Variants in HTR4 observed in about 807,000 individuals in gnomAD.
The protein encoded by HTR4 is 5-hydroxytryptamine receptor 4.
In HTR4, 16 loss-of-function variants were observed where a neutral mutation model predicts 36.8. The observed-to-expected ratio is 0.43, with a 90% CI of 0.29 to 0.66. HTR4 has a LOEUF of 0.66. Among genes scored for constraint, HTR4 ranks in the 30% least tolerant of loss-of-function variants. HTR4 has a pLI of 0.13. For missense variants in HTR4, 438 were observed against 490.9 expected, an observed-to-expected ratio of 0.89 and a Z score of 1.02; for synonymous variants, 189 against 185.1, an observed-to-expected ratio of 1.02 and a Z score of -0.17.
chr5:148,590,634 A>G (rs1392159237), intron 2 of HTR4, among the ~76,000 whole-genome samples: 1 of 152,010 alleles, frequency 6.6e-6, no homozygotes, highest in African/African-American at 2.4e-5. Flanking sequence ...CCTAAACTCC[A>G]TCCTTCATAC....
intron 2 of HTR4, among the ~76,000 whole-genome samples, chr5:148,586,028 A>C (rs1761333828): frequency 1.3e-5 from 2 of 152,126 alleles, no homozygotes; most frequent in African/African-American, 4.8e-5. Context: ...TGTCCCTTAA[A>C]ATGTATCATT....
intron 6 of HTR4, among the ~76,000 whole-genome samples, chr5:148,506,283 C>CTATATAATATATTATATATAATAA (rs1204916763): frequency 2.0e-5 from 3 of 152,134 alleles, no homozygotes; most frequent in Non-Finnish European, 4.4e-5. Context: ...AAAGGATTCC[C>CTATATAATATATTATATATAATAA]TATATAATAA....
chr5:148,473,425 TG>T (rs2113706517), downstream of HTR4, among the ~76,000 whole-genome samples: 1 of 152,224 alleles, frequency 6.6e-6, no homozygotes, highest in African/African-American at 2.4e-5. Flanking sequence ...GTAAGAGACT[TG>T]GAAGATTGGA....
In HTR4 at chr5:148,483,367, C is replaced by T. The variant is rs1021193341; in HGVS notation, c.1077-74G>A. On this transcript the variant is annotated intron_variant, in intron 6 of 6. Coordinates refer to ENST00000377888, the MANE Select transcript of HTR4 (RefSeq NM_000870.7). Reference sequence around the variant, plus strand: ...CAGATCATCTCCTGAAAGAGCCCACCTGCATGGCAGGAACACTCTGTGCCA... The same window carrying T: ...CAGATCATCTCCTGAAAGAGCCCACTTGCATGGCAGGAACACTCTGTGCCA... 51 of 1,354,428 alleles carry T rather than the reference C, an allele frequency of 3.8e-5. No individual in the cohort carries two copies. In the African/African-American group the frequency reaches 5.8e-4, roughly 15 times the overall value. 83.9% of individuals were successfully genotyped at this position (1,354,428 alleles called of 1,614,324 possible). A position where few individuals can be genotyped will look rare whatever the true frequency, so the allele number is the denominator to read the frequency against.
At chr5:148,575,897 G>C (rs913868661) in intron 2 of HTR4, among the ~76,000 whole-genome samples, 2 of 151,642 alleles carry the variant, frequency 1.3e-5, no homozygotes, top group African/African-American at 4.8e-5. Flanking sequence ...AATCAGGCAA[G>C]ACAAAGAAAT....
chr5:148,490,420 G>A (rs1189630507), intron 6 of HTR4, among the ~76,000 whole-genome samples: 2 of 151,954 alleles, frequency 1.3e-5, no homozygotes, highest in Non-Finnish European at 2.9e-5. Context: ...TCTGACATAT[G>A]TCTTCTCATT....
intron 2 of HTR4, among the ~76,000 whole-genome samples, chr5:148,609,285 C>T (rs1816067): frequency 0.27 from 40,458 of 152,046 alleles, 6,300 homozygotes; most frequent in Non-Finnish European, 0.34. Context: ...TGATCACATG[C>T]CCCCAAATAA....
chr5:148,577,435 A>G (rs976448337), intron 2 of HTR4, among the ~76,000 whole-genome samples: 3 of 152,132 alleles, frequency 2.0e-5, no homozygotes, highest in African/African-American at 7.2e-5. Context: ...TAAAAGCAGA[A>G]CTACCATTCG....
At position 148,509,809 on chromosome 5, in the gene HTR4, C is replaced by A. The variant is rs1246605345; in HGVS notation, c.723G>T (p.Gln241His). Reference protein sequence around the residue: ...RAGASSESRPQSADQHSTHRM... With the variant: ...RAGASSESRPHSADQHSTHRM... ...GATGAGTGCTATGCTGGTCTGCCGA[C>A]TGAGGCCTGCTCTCGGAGGAGGCTC... The change falls in exon 6 of 7, where the codon CAG (glutamine) becomes CAT (histidine). Residue 241 changes from glutamine to histidine, a missense_variant. Coordinates refer to ENST00000377888, the MANE Select transcript of HTR4 (RefSeq NM_000870.7). 1 of 1,614,022 alleles carries A rather than the reference C, an allele frequency of 6.2e-7. No homozygotes were observed. The highest frequency in any genetic ancestry group is 8.5e-7 in the Non-Finnish European group (1 of 1,179,992).
rs142939672 is a variant in HTR4, at chr5:148,536,283, C to T, written c.353+12385G>A. 1.9e-4 allele frequency among the ~76,000 whole-genome samples: 29 copies of T among 152,104 alleles called. No homozygotes were observed. In the East Asian group the frequency reaches 5.2e-3, roughly 27 times the overall value. ...ACTGCTACCAGATTATACAAAAACACACTTAAATACACAGACCAATGATAT... is the reference window on the plus strand; with the variant it reads ...ACTGCTACCAGATTATACAAAAACATACTTAAATACACAGACCAATGATAT... On this transcript the variant is annotated intron_variant, in intron 4 of 6. Transcript: ENST00000377888.
downstream of HTR4, among the ~76,000 whole-genome samples, chr5:148,479,687 T>C (rs1240775630): frequency 2.0e-5 from 3 of 152,122 alleles, no homozygotes; most frequent in Non-Finnish European, 4.4e-5. Context: ...TAGCTTCAAA[T>C]AAATCATAGC....
At chr5:148,550,940 C>T (rs550441722) in intron 2 of HTR4, among the ~76,000 whole-genome samples, 24 of 152,300 alleles carry the variant, frequency 1.6e-4, no homozygotes, top group Non-Finnish European at 2.8e-4. Flanking sequence ...CCTTATTACC[C>T]TCTACCTATA....
intron 6 of HTR4, among the ~76,000 whole-genome samples, chr5:148,495,189 G>A (rs1756631404): frequency 6.6e-6 from 1 of 152,176 alleles, no homozygotes; most frequent in Admixed American, 6.6e-5. Flanking sequence ...TTTATAAATA[G>A]TCTGTTCTTA....
At chr5:148,632,422 G>A (rs887853943) in intron 2 of HTR4, among the ~76,000 whole-genome samples, 1 of 152,148 alleles carries the variant, frequency 6.6e-6, no homozygotes, top group Non-Finnish European at 1.5e-5. Flanking sequence ...CTTAAATGAG[G>A]TTGTTCTTAT....
chr5:148,467,876 T>G (rs1458442457), intron 5 of HTR4, among the ~76,000 whole-genome samples: 1 of 152,242 alleles, frequency 6.6e-6, no homozygotes, highest in East Asian at 1.9e-4. Flanking sequence ...ACATCCATTA[T>G]TTTGTTTTCT....
chr5:148,563,444 C>T (rs1490722989), intron 2 of HTR4, among the ~76,000 whole-genome samples: 1 of 152,196 alleles, frequency 6.6e-6, no homozygotes, highest in Non-Finnish European at 1.5e-5. Flanking sequence ...ACCTTTTACG[C>T]TCCCACACAC....
chr5:148,488,197 A>G (rs1403783495), intron 6 of HTR4, among the ~76,000 whole-genome samples: 2 of 152,236 alleles, frequency 1.3e-5, no homozygotes, highest in East Asian at 1.9e-4. Context: ...AGGCTAGAAG[A>G]TCAAGTGTTT....
Position 148,616,979 on chromosome 5 carries a change from A to C in HTR4, c.26+20010T>G, listed in dbSNP as rs1752717010. On this transcript the variant is annotated intron_variant, in intron 2 of 6. Transcript: ENST00000377888. ...TCCTGTTAATCACCTAAACCCAACC[A>C]TAGTTAGCTTTATTAATTACAGAAT... is the stretch of plus-strand genomic sequence containing the variant. Among the ~76,000 whole-genome samples the C allele has an allele frequency of 2.0e-5, 3 of 152,208 alleles. No homozygotes were observed. In the South Asian group the frequency reaches 6.2e-4, roughly 32 times the overall value.
chr5:148,523,163 T>C, intron 5 of HTR4, 30 bp downstream of exon 5: 1 of 1,592,176 alleles, frequency 6.3e-7, no homozygotes, highest in Non-Finnish European at 8.6e-7. Flanking sequence ...GATCAGACAG[T>C]AAACCAGTGA....
Sources: allele counts gnomAD v4.1 joint callset (sites outside exome capture counted in the v4.1 genomes callset), GRCh38; gene constraint gnomAD v4.1.1; transcripts MANE v1.5; gene names NCBI Gene and HGNC (gene_info 2026-07-23, HGNC 2026-07-21).